Variants in SRPK2 observed in about 807,000 individuals in gnomAD.
SRPK2 encodes SRSF protein kinase 2.
SRPK2 carries 21 observed loss-of-function variants against 90.8 expected under a neutral mutation model. The observed-to-expected ratio is 0.23, with a 90% CI of 0.16 to 0.33. The LOEUF is 0.33. Ranked by LOEUF, SRPK2 falls within the 10% of genes least tolerant of loss-of-function variation. The probability of loss-of-function intolerance (pLI) is 1.00; values close to 1 mark genes in which losing one functional copy is unlikely to be tolerated. For missense variants in SRPK2, 620 were observed against 869.0 expected (o/e 0.71, Z 3.60); for synonymous variants, 288 against 311.1 (o/e 0.93, Z 0.78).
At chr7:105,389,011 C>CCCGGGGGTCGGGACCCCAGCG (rs1586031069), upstream of SRPK2, 3 of 990,188 alleles carry the variant, frequency 3.0e-6, no homozygotes, top group East Asian at 3.2e-4. Context: ...ACCCGCCGGC[C>CCCGGGGGTCGGGACCCCAGCG]CCGGGGGTCG....
At chr7:105,358,557 T>A (rs1006123928) in intron 2 of SRPK2, among the ~76,000 whole-genome samples, 2 of 151,354 alleles carry the variant, frequency 1.3e-5, no homozygotes, top group African/African-American at 4.9e-5. Context: ...ATGGTGGTTC[T>A]TGCCTGCCGT....
At chr7:105,239,776 A>G (rs886074980) in intron 2 of SRPK2, among the ~76,000 whole-genome samples, 5 of 152,200 alleles carry the variant, frequency 3.3e-5, no homozygotes, top group African/African-American at 4.8e-5. Flanking sequence ...TACATGGTTG[A>G]TAAGAATAAG....
chr7:105,143,086 T>C lies in SRPK2; in HGVS notation c.1058A>G (p.Asn353Ser), dbSNP rs747521263. The C allele has an allele frequency of 3.7e-6, 6 of 1,613,384 alleles. No individual in the cohort carries two copies. The highest frequency in any genetic ancestry group is 2.7e-5 in the African/African-American group (2 of 74,936). Residue 353 changes from asparagine to serine, a missense_variant and splice_region_variant, in exon 10 of 16, where the codon AAT (asparagine) becomes AGT (serine). Asn to Ser is a conservative substitution (Grantham distance 46). Transcript: ENST00000393651. ...CCCAGGTTCCAGGCCCCACTGACCATTGTCCTTTGCAGTCTCTGCCTCAGC... is the reference window on the plus strand; with the variant it reads ...CCCAGGTTCCAGGCCCCACTGACCACTGTCCTTTGCAGTCTCTGCCTCAGC... ...EAAEAETAKD[N>S]GEAEDQEEKE...
At chr7:105,120,165 C>A (rs1221392099) in intron 15 of SRPK2, among the ~76,000 whole-genome samples, 1 of 152,196 alleles carries the variant, frequency 6.6e-6, no homozygotes, top group African/African-American at 2.4e-5. Flanking sequence ...TCACATGTGA[C>A]TAAACCAAGT....
chr7:105,170,785 G>GGAAGGAAGGA (rs1563024392), intron 3 of SRPK2, among the ~76,000 whole-genome samples: 2 of 49,080 alleles, frequency 4.1e-5, no homozygotes, highest in African/African-American at 9.1e-5. Context: ...GGAAGGACGG[G>GGAAGGAAGGA]AGGGAGGGAG....
At chr7:105,175,651 A>G (rs1186309125) in intron 3 of SRPK2, among the ~76,000 whole-genome samples, 1 of 152,148 alleles carries the variant, frequency 6.6e-6, no homozygotes, top group East Asian at 1.9e-4. Flanking sequence ...AGTGAGAGAA[A>G]ACACAAATTA....
At chr7:105,208,539 C>T (rs917994793) in intron 2 of SRPK2, among the ~76,000 whole-genome samples, 1 of 152,122 alleles carries the variant, frequency 6.6e-6, no homozygotes, top group Non-Finnish European at 1.5e-5. Flanking sequence ...TCAGAAAAGA[C>T]CGCAGGTTGT....
At chr7:105,303,639 G>A (rs1810828704) in intron 2 of SRPK2, among the ~76,000 whole-genome samples, 1 of 151,912 alleles carries the variant, frequency 6.6e-6, no homozygotes, top group Non-Finnish European at 1.5e-5. Flanking sequence ...CATCCTGGCA[G>A]CATTATACAC....
rs1047219477 is a variant in SRPK2 at position 105,232,205 on chromosome 7, G to A, written c.72-28420C>T. ...TTGCAGGCCGGGCGCGGTGGCTCACGTCTGTAAGCCCGGCACTTTGGGAGG... is the reference window on the plus strand; with the variant it reads ...TTGCAGGCCGGGCGCGGTGGCTCACATCTGTAAGCCCGGCACTTTGGGAGG... On this transcript the variant is annotated intron_variant, in intron 2 of 15. Coordinates refer to ENST00000393651, the MANE Select transcript of SRPK2 (RefSeq NM_182692.3). 2.6e-5 allele frequency among the ~76,000 whole-genome samples: 4 copies of A among 152,102 alleles called. No individual in the cohort carries two copies. In the South Asian group the frequency reaches 6.2e-4, roughly 24 times the overall value.
At chr7:105,264,423 C>A (rs1054345782) in intron 2 of SRPK2, among the ~76,000 whole-genome samples, 2 of 152,210 alleles carry the variant, frequency 1.3e-5, no homozygotes, top group South Asian at 2.1e-4. Context: ...GGACAACACA[C>A]AATCTCTATC....
At chr7:105,150,633 A>G (rs1805505907) in intron 7 of SRPK2, among the ~76,000 whole-genome samples, 1 of 152,258 alleles carries the variant, frequency 6.6e-6, no homozygotes, top group Admixed American at 6.5e-5. Flanking sequence ...ACACAATCCA[A>G]TGGGCTCATG....
chr7:105,280,053 ACAGT>A (rs1173987037), intron 2 of SRPK2, among the ~76,000 whole-genome samples: 20 of 152,228 alleles, frequency 1.3e-4, no homozygotes, highest in Admixed American at 6.5e-4. Flanking sequence ...ATCTTAAGAG[ACAGT>A]TTTTTCATAC....
chr7:105,393,219 C>T (rs192302933), upstream of SRPK2, among the ~76,000 whole-genome samples: 51 of 150,442 alleles, frequency 3.4e-4, no homozygotes, highest in East Asian at 7.9e-3. Flanking sequence ...TGGTCTCAAA[C>T]TCCTGACCTC....
intron 2 of SRPK2, among the ~76,000 whole-genome samples, chr7:105,282,682 G>A (rs1807503117): frequency 1.3e-5 from 2 of 152,012 alleles, no homozygotes; most frequent in East Asian, 1.9e-4. Flanking sequence ...CCAGCTACTC[G>A]GGGGACTGAG....
intron 2 of SRPK2, among the ~76,000 whole-genome samples, chr7:105,244,050 T>C (rs948608159): frequency 5.3e-5 from 8 of 152,080 alleles, no homozygotes; most frequent in Non-Finnish European, 1.0e-4. Context: ...AGAGCTGCCA[T>C]AAAGAAGCCC....
Position 105,117,718 on chromosome 7 carries a change from A to C in SRPK2, c.*120T>G. The C allele has an allele frequency of 1.8e-6, 2 of 1,127,480 alleles. No homozygotes were observed. The highest frequency in any genetic ancestry group is 2.5e-6 in the Non-Finnish European group (2 of 790,872). 69.8% of individuals were successfully genotyped at this position (1,127,480 alleles called of 1,614,324 possible). Reference sequence around the variant, plus strand: ...GTCAAACAACAGTACCTCAAAGCAAAATAAAGGTCTGAGGATGAAGCCAGC... The same window carrying C: ...GTCAAACAACAGTACCTCAAAGCAACATAAAGGTCTGAGGATGAAGCCAGC... On this transcript the variant is annotated 3_prime_UTR_variant, in exon 16 of 16. Transcript: ENST00000393651.
intron 2 of SRPK2, among the ~76,000 whole-genome samples, chr7:105,232,944 T>C (rs1490043976): frequency 1.3e-5 from 2 of 151,476 alleles, no homozygotes; most frequent in East Asian, 3.9e-4. Context: ...TCACTGAACT[T>C]GGGAGGCGGA....
At chr7:105,122,430 A>T (rs1800520802) in intron 15 of SRPK2, among the ~76,000 whole-genome samples, 1 of 152,206 alleles carries the variant, frequency 6.6e-6, no homozygotes, top group African/African-American at 2.4e-5. Flanking sequence ...GGGGAAAACC[A>T]AACGCCCATC....
At chr7:105,222,141 C>T (rs1271001766) in intron 2 of SRPK2, among the ~76,000 whole-genome samples, 1 of 152,162 alleles carries the variant, frequency 6.6e-6, no homozygotes, top group African/African-American at 2.4e-5. Flanking sequence ...CTATACCTTA[C>T]CAATTAAATT....
Sources: allele counts gnomAD v4.1 joint callset (sites outside exome capture counted in the v4.1 genomes callset), GRCh38; gene constraint gnomAD v4.1.1; transcripts MANE v1.5; gene names NCBI Gene and HGNC (gene_info 2026-07-23, HGNC 2026-07-21).